STARD13: variants seen among roughly 807,000 people sequenced by gnomAD.
STARD13 encodes StAR related lipid transfer domain containing 13, also known as stAR-related lipid transfer protein 13.
A neutral mutation model predicts 106.4 loss-of-function variants in STARD13; 62 were observed. The observed-to-expected ratio is 0.58, with a 90% CI of 0.48 to 0.72. The LOEUF is 0.72. Among genes scored for constraint, STARD13 ranks in the 30% least tolerant of loss-of-function variants. The pLI is 0.00. For synonymous variants in STARD13, 565 were observed against 553.0 expected (o/e 1.02, Z -0.31); for missense variants, 1,387 against 1,424.0 (o/e 0.97, Z 0.42).
chr13:33,661,812 C>T, the STARD13 span, among the ~76,000 whole-genome samples: 6 of 151,726 alleles, frequency 4.0e-5, no homozygotes, highest in Non-Finnish European at 5.9e-5. Flanking sequence ...CAGAGCCAAC[C>T]CATATCAACT....
At chr13:33,385,257 ATG>A in the STARD13 span, among the ~76,000 whole-genome samples, 19 of 135,784 alleles carry the variant, frequency 1.4e-4, no homozygotes, top group South Asian at 2.3e-4. Context: ...ATATATATAT[ATG>A]TAGAAAACAG....
chr13:33,378,300 C>A, the STARD13 span, among the ~76,000 whole-genome samples: 2 of 152,178 alleles, frequency 1.3e-5, no homozygotes, highest in Admixed American at 1.3e-4. Flanking sequence ...GGAGCTGTCA[C>A]CCCAAACATA....
chr13:33,525,291 G>A, the STARD13 span, among the ~76,000 whole-genome samples: 2 of 152,012 alleles, frequency 1.3e-5, no homozygotes, highest in East Asian at 3.9e-4. Flanking sequence ...CCAAAGCACT[G>A]AAATTATAGG....
the STARD13 span, among the ~76,000 whole-genome samples, chr13:33,588,100 T>C: frequency 2.0e-5 from 3 of 152,154 alleles, no homozygotes; most frequent in Non-Finnish European, 2.9e-5. Context: ...TACTGCTTTG[T>C]AGTGATAAAA....
intron 1 of STARD13, among the ~76,000 whole-genome samples, chr13:33,221,542 C>T (rs1358474309): frequency 6.6e-6 from 1 of 152,176 alleles, no homozygotes; most frequent in Non-Finnish European, 1.5e-5. Context: ...TCCTGCTGAT[C>T]ATCTGAGTGG....
chr13:33,331,439 G>A (rs982507098), intron 1 of STARD13, among the ~76,000 whole-genome samples: 2 of 151,866 alleles, frequency 1.3e-5, no homozygotes, highest in Non-Finnish European at 2.9e-5. Context: ...TGCAATCCCT[G>A]CCTCCCAGGT....
chr13:33,235,497 T>C (rs1889141832), intron 1 of STARD13, among the ~76,000 whole-genome samples: 1 of 152,246 alleles, frequency 6.6e-6, no homozygotes, highest in Non-Finnish European at 1.5e-5. Flanking sequence ...TTTCTTTCAA[T>C]TTAAGGGTGT....
the STARD13 span, among the ~76,000 whole-genome samples, chr13:33,570,135 TTAAAG>T: frequency 6.8e-6 from 1 of 147,986 alleles, no homozygotes. Flanking sequence ...TACATCCAGT[TTAAAG>T]TAATGAATAT....
the STARD13 span, among the ~76,000 whole-genome samples, chr13:33,444,442 T>G: frequency 6.6e-6 from 1 of 152,150 alleles, no homozygotes; most frequent in Non-Finnish European, 1.5e-5. Context: ...CCTTCTTAAT[T>G]AGCAGTAAAT....
chr13:33,344,090 C>A (rs1403945998), downstream of STARD13, among the ~76,000 whole-genome samples: 2 of 152,082 alleles, frequency 1.3e-5, no homozygotes, highest in Admixed American at 6.5e-5. Context: ...TGGTTCTCAA[C>A]CTGGACTGCA....
intron 4 of STARD13, among the ~76,000 whole-genome samples, chr13:33,133,848 C>T (rs1878689758): frequency 6.6e-6 from 1 of 152,040 alleles, no homozygotes; most frequent in Admixed American, 6.6e-5. Flanking sequence ...TTTTTACGCA[C>T]TTGGGACCCA....
chr13:33,166,325 T>C (rs1883308996), intron 2 of STARD13, among the ~76,000 whole-genome samples: 1 of 152,132 alleles, frequency 6.6e-6, no homozygotes, highest in African/African-American at 2.4e-5. Flanking sequence ...GTGATTTTTT[T>C]TCATGGAAGG....
chr13:33,257,013 G>T (rs1021957651), intron 1 of STARD13, among the ~76,000 whole-genome samples: 49 of 152,104 alleles, frequency 3.2e-4, no homozygotes, highest in African/African-American at 1.1e-3. Flanking sequence ...AAGAAGATAG[G>T]CAGAGCAAAT....
the STARD13 span, among the ~76,000 whole-genome samples, chr13:33,533,986 T>C: frequency 6.6e-6 from 1 of 152,252 alleles, no homozygotes; most frequent in Non-Finnish European, 1.5e-5. Flanking sequence ...ACTTACTTTA[T>C]GTTCATCAGA....
the STARD13 span, among the ~76,000 whole-genome samples, chr13:33,430,010 C>T: frequency 1.3e-5 from 2 of 151,910 alleles, no homozygotes; most frequent in African/African-American, 2.4e-5. Flanking sequence ...CTCCGCCTCC[C>T]AGGTTCGCGC....
intron 3 of STARD13, among the ~76,000 whole-genome samples, chr13:33,157,141 T>C (rs1002844759): frequency 4.6e-5 from 7 of 152,036 alleles, no homozygotes; most frequent in African/African-American, 7.2e-5. Context: ...AAATTGTAGA[T>C]ACCATTTTTG....
intron 1 of STARD13, among the ~76,000 whole-genome samples, chr13:33,210,420 G>A (rs1457922070): frequency 6.6e-6 from 1 of 152,140 alleles, no homozygotes; most frequent in Non-Finnish European, 1.5e-5. Context: ...TGGCTCTGAC[G>A]GTACAAGCTG....
chr13:33,295,369 T>C (rs983990056), intron 1 of STARD13, among the ~76,000 whole-genome samples: 1 of 152,152 alleles, frequency 6.6e-6, no homozygotes, highest in African/African-American at 2.4e-5. Context: ...TTTAGGGTAA[T>C]AGCAGGGCAG....
chr13:33,199,725 A>ACACTAATC (rs1414791442), intron 1 of STARD13, among the ~76,000 whole-genome samples: 1 of 152,240 alleles, frequency 6.6e-6, no homozygotes, highest in East Asian at 1.9e-4. Context: ...GGCCCAAAGA[A>ACACTAATC]CACTAATCAG....
Sources: allele counts gnomAD v4.1 joint callset (sites outside exome capture counted in the v4.1 genomes callset), GRCh38; gene constraint gnomAD v4.1.1; transcripts MANE v1.5; gene names NCBI Gene and HGNC (gene_info 2026-07-23, HGNC 2026-07-21).